Variants in LPP observed in about 807,000 individuals in gnomAD.
LPP encodes lipoma-preferred partner.
Under a neutral mutation model 60.4 loss-of-function variants are expected in LPP, and 38 were observed. The ratio of observed to expected loss-of-function variants is 0.63; its 90% CI spans 0.49 to 0.83. The LOEUF (loss-of-function observed/expected upper bound fraction) is 0.83. Among genes scored for constraint, LPP ranks in the 40% least tolerant of loss-of-function variants. The pLI is 0.00. For missense variants in LPP, 902 were observed against 783.6 expected (o/e 1.15, Z -1.80); for synonymous variants, 328 against 290.8 (o/e 1.13, Z -1.30).
At chr3:188,470,347 T>C (rs2149517522) in intron 4 of LPP, among the ~76,000 whole-genome samples, 1 of 149,218 alleles carries the variant, frequency 6.7e-6, no homozygotes, top group East Asian at 2.0e-4. Flanking sequence ...ACACACACAT[T>C]TTGAAATTGG....
chr3:188,518,067 A>C (rs9829659), intron 5 of LPP, among the ~76,000 whole-genome samples: 1 of 152,266 alleles, frequency 6.6e-6, no homozygotes, highest in South Asian at 2.1e-4. Flanking sequence ...CAGAAGCAGA[A>C]GGCAGCTCCA....
At chr3:188,161,158 G>A (rs1385993383) in intron 1 of LPP, among the ~76,000 whole-genome samples, 1 of 152,178 alleles carries the variant, frequency 6.6e-6, no homozygotes, top group East Asian at 1.9e-4. Context: ...AGAGGTGGGA[G>A]GGAGCAGGAA....
chr3:188,816,323 T>G (rs1179830428), intron 9 of LPP, among the ~76,000 whole-genome samples: 1 of 148,232 alleles, frequency 6.7e-6, no homozygotes. Context: ...TGCCTCAGCC[T>G]CCCGAGTAGC....
At chr3:188,759,017 C>T (rs1249855411) in intron 8 of LPP, among the ~76,000 whole-genome samples, 1 of 152,132 alleles carries the variant, frequency 6.6e-6, no homozygotes, top group Non-Finnish European at 1.5e-5. Context: ...GGCTAACATT[C>T]CCAGTGTTCT....
intron 4 of LPP, among the ~76,000 whole-genome samples, chr3:188,483,675 C>G (rs1560462317): frequency 6.6e-6 from 1 of 152,112 alleles, no homozygotes; most frequent in Non-Finnish European, 1.5e-5. Context: ...CTCAATAACT[C>G]TGACAGCAGT....
intron 5 of LPP, among the ~76,000 whole-genome samples, chr3:188,518,866 C>G (rs1818111476): frequency 6.6e-6 from 1 of 151,526 alleles, no homozygotes; most frequent in African/African-American, 2.4e-5. Flanking sequence ...TCCTATGTAA[C>G]AGTTTTTACT....
At chr3:188,771,585 G>C (rs201886461) in intron 9 of LPP, among the ~76,000 whole-genome samples, 1 of 73,004 alleles carries the variant, frequency 1.4e-5, no homozygotes, top group Non-Finnish European at 2.7e-5. Context: ...GAAAGAAAGG[G>C]AGAAAGAAAG....
chr3:188,193,972 C>T (rs111490058), intron 1 of LPP, among the ~76,000 whole-genome samples: 2 of 152,300 alleles, frequency 1.3e-5, no homozygotes, highest in South Asian at 2.1e-4. Flanking sequence ...GTTTAAGGCT[C>T]AGCTCTGCCA....
chr3:188,853,384 CAGAAG>C (rs1284135246), intron 9 of LPP, among the ~76,000 whole-genome samples: 2 of 152,216 alleles, frequency 1.3e-5, no homozygotes, highest in African/African-American at 4.8e-5. Context: ...TGTGAAAGAA[CAGAAG>C]AGGAGAGTGA....
At chr3:188,764,653 C>G (rs1039070023) in intron 9 of LPP, among the ~76,000 whole-genome samples, 3 of 152,114 alleles carry the variant, frequency 2.0e-5, no homozygotes, top group African/African-American at 7.2e-5. Context: ...AAAGAGACAG[C>G]CTTACTCATA....
At chr3:188,438,282 G>A (rs73888481) in intron 4 of LPP, among the ~76,000 whole-genome samples, 10,455 of 149,380 alleles carry the variant, frequency 0.07, 936 homozygotes, top group African/African-American at 0.21. Context: ...TCTTAGAGTA[G>A]CTGTGGTAAT....
rs546968624 is a variant in LPP at position 188,218,046 on chromosome 3, C to G, written c.-189-7359C>G. Among the ~76,000 whole-genome samples the G allele has an allele frequency of 6.6e-5, 10 of 152,160 alleles. No individual in the cohort carries two copies. In the South Asian group the frequency reaches 2.1e-3, roughly 32 times the overall value. ...TTGTTTTTTCATGGTGTTGTCTGTT[C>G]ATGCAGAGATTTCTGTCTCCTGTAA... On this transcript the variant is annotated intron_variant, in intron 1 of 11. Coordinates refer to ENST00000617246, the MANE Select transcript of LPP (RefSeq NM_001375462.1).
At chr3:188,592,715 T>C (rs1211737448) in intron 6 of LPP, among the ~76,000 whole-genome samples, 1 of 151,832 alleles carries the variant, frequency 6.6e-6, no homozygotes, top group Non-Finnish European at 1.5e-5. Context: ...CTAATTTTTA[T>C]ATTTTTAGTA....
chr3:188,819,742 G>A (rs976318645), intron 9 of LPP, among the ~76,000 whole-genome samples: 13 of 152,168 alleles, frequency 8.5e-5, no homozygotes, highest in Admixed American at 2.6e-4. Flanking sequence ...GATGATTCAG[G>A]CAGAGGGGCA....
At chr3:188,286,644 C>A (rs1031979519) in intron 2 of LPP, among the ~76,000 whole-genome samples, 17 of 152,074 alleles carry the variant, frequency 1.1e-4, no homozygotes, top group Non-Finnish European at 4.4e-5. Flanking sequence ...CTTCTGTGTT[C>A]CCTCCCCAAA....
At chr3:188,427,899 T>G (rs1338007160) in intron 4 of LPP, among the ~76,000 whole-genome samples, 1 of 152,018 alleles carries the variant, frequency 6.6e-6, no homozygotes, top group African/African-American at 2.4e-5. Flanking sequence ...CTGGCTTCAG[T>G]CCCCTTTCCA....
Position 188,198,152 on chromosome 3 carries a change from C to G in LPP, c.-189-27253C>G, listed in dbSNP as rs142737141. Among the ~76,000 whole-genome samples the G allele has an allele frequency of 8.9e-4, 136 of 152,238 alleles. No homozygotes were observed. The Middle Eastern group carries it at 0.02, about 23-fold the overall frequency. ...TGTTTCACTTAATCCTCTAAAGAAA[C>G]CTATGAGGATGGTGTTATTGTTATC... On this transcript the variant is annotated intron_variant, in intron 1 of 11. Coordinates refer to ENST00000617246, the MANE Select transcript of LPP (RefSeq NM_001375462.1).
At chr3:188,376,695 G>A (rs1450247560) in intron 3 of LPP, among the ~76,000 whole-genome samples, 2 of 152,132 alleles carry the variant, frequency 1.3e-5, no homozygotes, top group Admixed American at 1.3e-4. Flanking sequence ...GGAGCATTTA[G>A]TCCATTTACA....
chr3:188,341,540 A>G (rs943193528), intron 2 of LPP, 123 bp from the exon 3 acceptor site: 7 of 202,348 alleles, frequency 3.5e-5, no homozygotes, highest in Non-Finnish European at 8.7e-6. Flanking sequence ...GGTGCAATGA[A>G]TGTGAAAATG....
Sources: allele counts gnomAD v4.1 joint callset (sites outside exome capture counted in the v4.1 genomes callset), GRCh38; gene constraint gnomAD v4.1.1; transcripts MANE v1.5; gene names NCBI Gene and HGNC (gene_info 2026-07-23, HGNC 2026-07-21).